Variants in ROBO1 observed in about 807,000 individuals in gnomAD.
The protein encoded by ROBO1 is roundabout guidance receptor 1, also known as roundabout homolog 1.
Under a neutral mutation model 195.9 loss-of-function variants are expected in ROBO1, and 149 were observed. The ratio of observed to expected loss-of-function variants is 0.76; its 90% CI spans 0.67 to 0.87. The LOEUF (loss-of-function observed/expected upper bound fraction) is 0.87, where lower values mean the gene tolerates loss of function less well. Ranked by LOEUF, ROBO1 falls within the 40% of genes least tolerant of loss-of-function variation. The pLI is 0.00. For synonymous variants in ROBO1, 816 were observed against 733.2 expected (o/e 1.11, Z -1.82); for missense variants, 1,933 against 2,068.3 (o/e 0.93, Z 1.27).
At chr3:79,243,406 C>T (rs949108248) in intron 2 of ROBO1, among the ~76,000 whole-genome samples, 5 of 152,098 alleles carry the variant, frequency 3.3e-5, no homozygotes, top group African/African-American at 1.2e-4. Flanking sequence ...GAGGAATCGC[C>T]ACACTGTCTT....
At chr3:79,748,670 G>A (rs150767431) in intron 1 of ROBO1, among the ~76,000 whole-genome samples, 140 of 152,160 alleles carry the variant, frequency 9.2e-4, no homozygotes, top group Non-Finnish European at 1.4e-3. Flanking sequence ...ATTGAATTAT[G>A]GGGATGGGTC....
chr3:78,821,551 CCTCTAAATTG>C (rs2030950086), intron 4 of ROBO1, among the ~76,000 whole-genome samples: 2 of 152,048 alleles, frequency 1.3e-5, no homozygotes, highest in South Asian at 4.1e-4. Context: ...TCATTTTTCC[CCTCTAAATTG>C]CTCGCTTTTC....
At chr3:79,565,504 G>A (rs780228185) in intron 2 of ROBO1, among the ~76,000 whole-genome samples, 7 of 151,988 alleles carry the variant, frequency 4.6e-5, no homozygotes, top group Non-Finnish European at 7.4e-5. Context: ...CTTTTAGGCT[G>A]CCAAACCTGT....
chr3:78,792,054 G>A (rs1037046901), intron 4 of ROBO1, among the ~76,000 whole-genome samples: 1 of 152,102 alleles, frequency 6.6e-6, no homozygotes, highest in Non-Finnish European at 1.5e-5. Context: ...ACCCTCATAG[G>A]GTTTCATCTG....
At chr3:79,580,276 A>G (rs1018040641) in intron 2 of ROBO1, among the ~76,000 whole-genome samples, 5 of 152,166 alleles carry the variant, frequency 3.3e-5, no homozygotes, top group Non-Finnish European at 5.9e-5. Flanking sequence ...TTTTGACTCC[A>G]GCCTGACAAA....
intron 2 of ROBO1, among the ~76,000 whole-genome samples, chr3:79,536,198 TATATCCCAG>T (rs1312493000): frequency 6.6e-6 from 1 of 152,112 alleles, no homozygotes; most frequent in Non-Finnish European, 1.5e-5. Context: ...ATATATCCCA[TATATCCCAG>T]ATATCTTTCC....
At chr3:78,863,426 T>C (rs910703582) in intron 4 of ROBO1, among the ~76,000 whole-genome samples, 2 of 152,060 alleles carry the variant, frequency 1.3e-5, no homozygotes, top group Non-Finnish European at 2.9e-5. Flanking sequence ...AGGGGGGAAA[T>C]GTGCAAACTA....
chr3:79,054,977 G>A (rs891165374), intron 3 of ROBO1, among the ~76,000 whole-genome samples: 13 of 152,060 alleles, frequency 8.5e-5, no homozygotes, highest in African/African-American at 1.9e-4. Context: ...TACAATGCTT[G>A]TCCACCTCCA....
intron 2 of ROBO1, among the ~76,000 whole-genome samples, chr3:79,464,460 T>C (rs1388590971): frequency 6.6e-6 from 1 of 152,192 alleles, no homozygotes; most frequent in Non-Finnish European, 1.5e-5. Flanking sequence ...ATAGTCATCC[T>C]AGTGGATGTG....
At position 79,161,945 on chromosome 3, in the gene ROBO1, G is replaced by A. The variant is rs556991523; in HGVS notation, c.89-36406C>T. Among the ~76,000 whole-genome samples the A allele has an allele frequency of 1.1e-4, 17 of 152,210 alleles. No individual in the cohort carries two copies. In the East Asian group the frequency reaches 3.3e-3, roughly 29 times the overall value. On this transcript the variant is annotated intron_variant, in intron 2 of 30. Transcript: ENST00000464233. ...AATTAATAGATTCAGCCTCTGATGA[G>A]CTGCAGTTATACATATTTTCCAATC...
At chr3:79,748,804 C>T (rs1474783246) in intron 1 of ROBO1, among the ~76,000 whole-genome samples, 1 of 152,184 alleles carries the variant, frequency 6.6e-6, no homozygotes, top group East Asian at 1.9e-4. Flanking sequence ...TCCTACTTGC[C>T]TTCCACCATG....
chr3:79,716,633 A>G (rs898589948), intron 1 of ROBO1, among the ~76,000 whole-genome samples: 7 of 151,984 alleles, frequency 4.6e-5, no homozygotes, highest in Non-Finnish European at 8.8e-5. Context: ...GACAATGGAA[A>G]ATGTGAAGAT....
intron 4 of ROBO1, among the ~76,000 whole-genome samples, chr3:78,758,525 C>CA (rs5850391): frequency 0.078 from 6,657 of 84,852 alleles, 325 homozygotes; most frequent in Non-Finnish European, 0.097. Context: ...GACCCTATCT[C>CA]AAAAAAAAAA....
At chr3:79,472,552 T>C (rs996073010) in intron 2 of ROBO1, among the ~76,000 whole-genome samples, 5 of 152,184 alleles carry the variant, frequency 3.3e-5, no homozygotes, top group African/African-American at 1.2e-4. Flanking sequence ...GGTACTACTT[T>C]GGCACATTTC....
At chr3:78,835,928 C>G (rs2032670323) in intron 4 of ROBO1, among the ~76,000 whole-genome samples, 1 of 152,132 alleles carries the variant, frequency 6.6e-6, no homozygotes, top group South Asian at 2.1e-4. Flanking sequence ...AATTACTTCA[C>G]TTATTTTGTC....
chr3:79,153,748 T>A (rs961364683), intron 2 of ROBO1, among the ~76,000 whole-genome samples: 1 of 147,982 alleles, frequency 6.8e-6, no homozygotes, highest in African/African-American at 2.4e-5. Context: ...ATAGTATTTA[T>A]ATATAATATA....
intron 4 of ROBO1, among the ~76,000 whole-genome samples, chr3:78,824,156 G>C (rs565545789): frequency 5.9e-5 from 9 of 152,278 alleles, no homozygotes; most frequent in Admixed American, 3.3e-4. Flanking sequence ...GTTGAATTAA[G>C]TAAATCTATG....
At chr3:79,373,857 A>G (rs1427042132) in intron 2 of ROBO1, among the ~76,000 whole-genome samples, 3 of 152,198 alleles carry the variant, frequency 2.0e-5, no homozygotes, top group Non-Finnish European at 4.4e-5. Context: ...ATGTGGATTT[A>G]AAACATCCCT....
intron 3 of ROBO1, among the ~76,000 whole-genome samples, chr3:79,024,909 A>G (rs1227128928): frequency 6.6e-6 from 1 of 152,194 alleles, no homozygotes; most frequent in Non-Finnish European, 1.5e-5. Context: ...GCTTTTCTTC[A>G]TAGAGCAGTC....
Sources: gnomAD v4.1 joint callset for allele counts (sites outside exome capture counted in the v4.1 genomes callset) on GRCh38, gnomAD v4.1.1 for gene constraint, MANE v1.5 for transcripts, NCBI Gene and HGNC (gene_info 2026-07-23, HGNC 2026-07-21) for gene names.